Variants in CNTN5 observed in about 807,000 individuals in gnomAD.
CNTN5 encodes the protein contactin 5.
A neutral mutation model predicts 129.1 loss-of-function variants in CNTN5; 77 were observed. The observed-to-expected ratio is 0.60, with a 90% CI of 0.50 to 0.72. The LOEUF (loss-of-function observed/expected upper bound fraction) is 0.72, where lower values mean the gene tolerates loss of function less well. CNTN5 is among the 30% of genes least tolerant of loss of function. The probability of loss-of-function intolerance (pLI) is 0.00; values close to 1 mark genes in which losing one functional copy is unlikely to be tolerated. For missense variants in CNTN5, 1,478 were observed against 1,328.8 expected (o/e 1.11, Z -1.75); for synonymous variants, 509 against 465.6 (o/e 1.09, Z -1.20).
intron 2 of CNTN5, among the ~76,000 whole-genome samples, chr11:99,381,115 T>C (rs1940530913): frequency 6.6e-6 from 1 of 151,512 alleles, no homozygotes; most frequent in South Asian, 2.1e-4. Context: ...AAAAGTGACA[T>C]ATACCAGCAA....
intron 2 of CNTN5, among the ~76,000 whole-genome samples, chr11:99,328,516 G>A (rs1308834005): frequency 2.6e-5 from 4 of 151,940 alleles, no homozygotes; most frequent in Non-Finnish European, 5.9e-5. Context: ...ATAGTTTTTT[G>A]TGTTTTAGAA....
intron 7 of CNTN5, among the ~76,000 whole-genome samples, chr11:99,916,953 T>G (rs1417382619): frequency 1.3e-5 from 2 of 152,086 alleles, no homozygotes; most frequent in Non-Finnish European, 2.9e-5. Context: ...TCAGTAATTT[T>G]TTCTTCTTTA....
intron 3 of CNTN5, among the ~76,000 whole-genome samples, chr11:99,567,691 G>A (rs1949051105): frequency 6.6e-6 from 1 of 152,122 alleles, no homozygotes. Context: ...GCTCCTCCAT[G>A]ATCAAATTAA....
intron 1 of CNTN5, among the ~76,000 whole-genome samples, chr11:99,321,783 G>T (rs1865581748): frequency 6.6e-6 from 1 of 152,104 alleles, no homozygotes; most frequent in Non-Finnish European, 1.5e-5. Context: ...CTCAGTTGCT[G>T]GAAGGTTGAG....
chr11:99,169,368 C>CTGTGTG (rs1455320256), intron 1 of CNTN5, among the ~76,000 whole-genome samples: 1 of 73,560 alleles, frequency 1.4e-5, no homozygotes, highest in Admixed American at 1.9e-4. Flanking sequence ...ATGCAATAAG[C>CTGTGTG]TATATGTGTG....
At chr11:100,234,957 C>T (rs1225938475) in intron 16 of CNTN5, among the ~76,000 whole-genome samples, 1 of 152,120 alleles carries the variant, frequency 6.6e-6, no homozygotes, top group Admixed American at 6.5e-5. Context: ...AAAACTCCCA[C>T]ATGCCTGAAA....
At chr11:100,319,456 T>G (rs576757595) in intron 21 of CNTN5, among the ~76,000 whole-genome samples, 1 of 152,240 alleles carries the variant, frequency 6.6e-6, no homozygotes, top group African/African-American at 2.4e-5. Flanking sequence ...CCCAGCTGAC[T>G]TCCCTTTTTT....
At chr11:100,144,959 T>G (rs1946804051) in intron 13 of CNTN5, among the ~76,000 whole-genome samples, 1 of 129,272 alleles carries the variant, frequency 7.7e-6, no homozygotes, top group Non-Finnish European at 1.9e-5. Flanking sequence ...TCATACTGTC[T>G]TTCTCAAGTT....
At position 100,142,105 on chromosome 11, in the gene CNTN5, A is replaced by G. The variant is rs374998356; in HGVS notation, c.1581-49021A>G. On this transcript the variant is annotated intron_variant, in intron 13 of 24. Coordinates refer to ENST00000524871, the MANE Select transcript of CNTN5 (RefSeq NM_014361.4). ...CTCTCTGGCCTTTGGACTTCAGTAG[A>G]CCCCCAAGTTCTCAGGCTTTCCCCT... Among the ~76,000 whole-genome samples the G allele has an allele frequency of 2.0e-5, 3 of 152,048 alleles. No homozygotes were observed. The East Asian group carries it at 5.8e-4, about 30-fold the overall frequency.
intron 1 of CNTN5, among the ~76,000 whole-genome samples, chr11:99,031,079 G>T (rs539888109): frequency 6.6e-6 from 1 of 151,262 alleles, no homozygotes; most frequent in South Asian, 2.1e-4. Context: ...TTACAGGCGT[G>T]AGCCACCACG....
chr11:99,494,927 A>G (rs1190145586), intron 2 of CNTN5, among the ~76,000 whole-genome samples: 2 of 152,202 alleles, frequency 1.3e-5, no homozygotes, highest in Non-Finnish European at 2.9e-5. Context: ...ATTCTTGCTC[A>G]TATTTTGTTA....
At chr11:99,439,661 T>C (rs1479230440) in intron 2 of CNTN5, among the ~76,000 whole-genome samples, 6 of 140,516 alleles carry the variant, frequency 4.3e-5, no homozygotes, top group Admixed American at 3.8e-4. Context: ...TGAGCCAAGA[T>C]TGCGCCACTG....
intron 2 of CNTN5, among the ~76,000 whole-genome samples, chr11:99,398,083 C>T (rs1941618658): frequency 6.6e-6 from 1 of 151,844 alleles, no homozygotes; most frequent in Non-Finnish European, 1.5e-5. Flanking sequence ...AGACACCTGG[C>T]TCCGACTGTC....
chr11:100,094,359 C>T (rs1944909427), intron 13 of CNTN5, among the ~76,000 whole-genome samples: 1 of 152,140 alleles, frequency 6.6e-6, no homozygotes, highest in African/African-American at 2.4e-5. Flanking sequence ...GAGCACATGA[C>T]TTTAATCCAG....
At chr11:99,661,104 GTA>G (rs1330916602) in intron 3 of CNTN5, among the ~76,000 whole-genome samples, 1 of 152,062 alleles carries the variant, frequency 6.6e-6, no homozygotes, top group Non-Finnish European at 1.5e-5. Context: ...GTCTTAGATT[GTA>G]TTCTCATAAT....
At chr11:99,867,689 T>C (rs185755715) in intron 6 of CNTN5, among the ~76,000 whole-genome samples, 97 of 152,280 alleles carry the variant, frequency 6.4e-4, no homozygotes, top group Middle Eastern at 3.4e-3. Flanking sequence ...TATAATTACA[T>C]TGGCTTCACT....
intron 8 of CNTN5, among the ~76,000 whole-genome samples, chr11:99,989,281 A>T: frequency 6.6e-6 from 1 of 152,166 alleles, no homozygotes; most frequent in East Asian, 1.9e-4. Flanking sequence ...ATTTTGATTT[A>T]ATTTCCTTTT....
chr11:99,493,062 T>G (rs1415026711), intron 2 of CNTN5, among the ~76,000 whole-genome samples: 1 of 152,170 alleles, frequency 6.6e-6, no homozygotes, highest in Non-Finnish European at 1.5e-5. Flanking sequence ...TGAAAGACCT[T>G]CCTGCTTCTA....
intron 2 of CNTN5, among the ~76,000 whole-genome samples, chr11:99,415,962 AG>A (rs938449519): frequency 3.3e-5 from 5 of 152,162 alleles, no homozygotes; most frequent in African/African-American, 9.7e-5. Context: ...CAAAAACCTA[AG>A]TTAAGTTACA....
Sources: allele counts gnomAD v4.1 joint callset (sites outside exome capture counted in the v4.1 genomes callset), GRCh38; gene constraint gnomAD v4.1.1; transcripts MANE v1.5; gene names NCBI Gene and HGNC (gene_info 2026-07-23, HGNC 2026-07-21).